The following LY96 variants were observed in gnomAD, a reference collection of about 807,000 sequenced individuals.
LY96 encodes the protein lymphocyte antigen 96, also known as myeloid differentiation protein-2.
LY96 carries 18 observed loss-of-function variants against 18.9 expected under a neutral mutation model. That is an observed-to-expected ratio of 0.95 (90% confidence interval 0.66 to 1.41). The LOEUF (loss-of-function observed/expected upper bound fraction) is 1.41, where lower values mean the gene tolerates loss of function less well. LY96 is among the 40% of genes most tolerant of loss of function. LY96 has a pLI of 0.00. For synonymous variants in LY96, 66 were observed against 62.6 expected (o/e 1.06, Z -0.26); for missense variants, 175 against 182.4 (o/e 0.96, Z 0.23).
intron 1 of LY96, among the ~76,000 whole-genome samples, chr8:74,000,078 A>G (rs1816232380): frequency 6.6e-6 from 1 of 152,096 alleles, no homozygotes; most frequent in South Asian, 2.1e-4. Context: ...TTCACATATG[A>G]CCTTGTCCTC....
At chr8:74,031,421 T>A (rs776482299), downstream of LY96, among the ~76,000 whole-genome samples, 2 of 151,652 alleles carry the variant, frequency 1.3e-5, no homozygotes, top group Non-Finnish European at 2.9e-5. Context: ...AGGTTAGGAG[T>A]TCGAGACCAG....
chr8:74,041,580 G>T, the LY96 span, among the ~76,000 whole-genome samples: 2 of 152,182 alleles, frequency 1.3e-5, no homozygotes. Flanking sequence ...CCATGGGAAA[G>T]GAATGCATTC....
chr8:74,044,176 T>C, the LY96 span, among the ~76,000 whole-genome samples: 1 of 150,810 alleles, frequency 6.6e-6, no homozygotes, highest in Admixed American at 6.6e-5. Flanking sequence ...TTTTTGTACA[T>C]AAAAAAAATT....
At chr8:74,021,975 A>G (rs1816771285) in intron 3 of LY96, among the ~76,000 whole-genome samples, 1 of 152,156 alleles carries the variant, frequency 6.6e-6, no homozygotes, top group African/African-American at 2.4e-5. Flanking sequence ...AATGTAAATG[A>G]CTAATTAATT....
At chr8:74,041,440 G>A in the LY96 span, among the ~76,000 whole-genome samples, 208 of 152,248 alleles carry the variant, frequency 1.4e-3, no homozygotes, top group Non-Finnish European at 2.4e-3. Context: ...CAACCATAAG[G>A]TCTGACTGCC....
intron 1 of LY96, among the ~76,000 whole-genome samples, chr8:73,995,111 A>G (rs1816097016): frequency 6.6e-6 from 1 of 152,204 alleles, no homozygotes; most frequent in South Asian, 2.1e-4. Context: ...TAAAAAGACA[A>G]GTTTAGCCCC....
the LY96 span, among the ~76,000 whole-genome samples, chr8:74,067,258 G>C: frequency 6.6e-6 from 1 of 152,146 alleles, no homozygotes; most frequent in African/African-American, 2.4e-5. Flanking sequence ...TTGAGACAGA[G>C]TCTTGCTCTG....
the LY96 span, among the ~76,000 whole-genome samples, chr8:74,047,408 C>T: frequency 7.2e-5 from 11 of 152,234 alleles, no homozygotes; most frequent in African/African-American, 2.2e-4. Flanking sequence ...TATGGGTAGA[C>T]GTGGAGGCAG....
chr8:74,088,577 C>G, the LY96 span, among the ~76,000 whole-genome samples: 5 of 152,144 alleles, frequency 3.3e-5, no homozygotes, highest in African/African-American at 4.8e-5. Flanking sequence ...TACTGGGAAC[C>G]CTCCTGAGTA....
chr8:74,073,532 A>C, the LY96 span, among the ~76,000 whole-genome samples: 1 of 152,152 alleles, frequency 6.6e-6, no homozygotes, highest in Non-Finnish European at 1.5e-5. Flanking sequence ...CATTTCTATA[A>C]TCAGACACTC....
chr8:74,031,755 C>G (rs367609648), downstream of LY96, among the ~76,000 whole-genome samples: 1 of 151,782 alleles, frequency 6.6e-6, no homozygotes, highest in African/African-American at 2.4e-5. Flanking sequence ...GCCCAGGCAA[C>G]AAAGTTACCT....
the LY96 span, among the ~76,000 whole-genome samples, chr8:74,052,116 G>T: frequency 6.6e-6 from 1 of 152,174 alleles, no homozygotes; most frequent in African/African-American, 2.4e-5. Context: ...GGAGAGAAGA[G>T]GTTATTTTGG....
the LY96 span, among the ~76,000 whole-genome samples, chr8:74,081,033 T>G: frequency 2.4e-5 from 3 of 126,218 alleles, no homozygotes; most frequent in African/African-American, 1.2e-4. Context: ...TTTCTTTCTT[T>G]CTTTCTTTCT....
At chr8:74,035,183 T>A in the LY96 span, among the ~76,000 whole-genome samples, 1 of 152,228 alleles carries the variant, frequency 6.6e-6, no homozygotes. Context: ...TTTGTAACCT[T>A]CCCTTTGGCT....
intron 3 of LY96, among the ~76,000 whole-genome samples, chr8:74,017,301 C>T (rs1162517537): frequency 1.3e-5 from 2 of 152,022 alleles, no homozygotes; most frequent in African/African-American, 2.4e-5. Context: ...GAAAGGGTAT[C>T]AGTGATTGAA....
chr8:74,031,196 A>G (rs1202375014), downstream of LY96, among the ~76,000 whole-genome samples: 1 of 152,162 alleles, frequency 6.6e-6, no homozygotes, highest in Non-Finnish European at 1.5e-5. Flanking sequence ...TCCTCTCTGT[A>G]TGAAATCCGG....
chr8:74,028,484 A>C (rs533782592), intron 4 of LY96, among the ~76,000 whole-genome samples: 39 of 152,358 alleles, frequency 2.6e-4, no homozygotes, highest in African/African-American at 9.1e-4. Context: ...GTTTAGGAGA[A>C]TAAAAATCAC....
At chr8:74,097,953 G>A in the LY96 span, among the ~76,000 whole-genome samples, 2 of 152,130 alleles carry the variant, frequency 1.3e-5, no homozygotes, top group East Asian at 3.9e-4. Flanking sequence ...AGCAGTGCCT[G>A]GAACACAACA....
downstream of LY96, among the ~76,000 whole-genome samples, chr8:74,033,549 T>C (rs1188433568): frequency 6.6e-6 from 1 of 152,204 alleles, no homozygotes; most frequent in African/African-American, 2.4e-5. Context: ...GGGCCTCTTT[T>C]TCCCCTAGGA....
Sources: gnomAD v4.1 joint callset for allele counts (sites outside exome capture counted in the v4.1 genomes callset) on GRCh38, gnomAD v4.1.1 for gene constraint, MANE v1.5 for transcripts, NCBI Gene and HGNC (gene_info 2026-07-23, HGNC 2026-07-21) for gene names.